Variants in SNX29 observed in about 807,000 individuals in gnomAD.
The protein encoded by SNX29 is sorting nexin 29.
A neutral mutation model predicts 102.1 loss-of-function variants in SNX29; 78 were observed. The observed-to-expected ratio is 0.76, with a 90% confidence interval of 0.64 to 0.92. SNX29 has a LOEUF of 0.92. SNX29 is among the 40% of genes least tolerant of loss of function. The pLI is 0.00. For missense variants in SNX29, 1,280 were observed against 1,061.7 expected, an observed-to-expected ratio of 1.21 and a Z score of -2.86; for synonymous variants, 580 against 414.5, an observed-to-expected ratio of 1.40 and a Z score of -4.85.
intron 13 of SNX29, among the ~76,000 whole-genome samples, chr16:12,138,439 C>T (rs1373316486): frequency 6.6e-6 from 1 of 151,950 alleles, no homozygotes; most frequent in African/African-American, 2.4e-5. Context: ...AACTCCTGAC[C>T]TCAAGTAATC....
chr16:12,401,431 C>T (rs983264913), intron 17 of SNX29, among the ~76,000 whole-genome samples: 2 of 145,440 alleles, frequency 1.4e-5, no homozygotes, highest in Non-Finnish European at 3.0e-5. Context: ...GTGGTGTGAC[C>T]TTGGCTCACT....
At chr16:11,979,569 TTTTG>T (rs1015376747) in intron 1 of SNX29, among the ~76,000 whole-genome samples, 4 of 152,078 alleles carry the variant, frequency 2.6e-5, no homozygotes, top group Admixed American at 6.6e-5. Flanking sequence ...ACTTATAATA[TTTTG>T]TTTATTTATT....
At chr16:12,356,812 A>G (rs1165087472) in intron 16 of SNX29, among the ~76,000 whole-genome samples, 1 of 152,232 alleles carries the variant, frequency 6.6e-6, no homozygotes, top group Non-Finnish European at 1.5e-5. Context: ...TGGGATGTCT[A>G]GCAGCGTCCC....
chr16:12,048,670 C>G (rs749240619), intron 7 of SNX29, 50 bp downstream of exon 7: 1 of 1,613,536 alleles, frequency 6.2e-7, no homozygotes, highest in South Asian at 1.1e-5. Flanking sequence ...CAGAATGTGG[C>G]GGATGGGGTG....
intron 13 of SNX29, among the ~76,000 whole-genome samples, chr16:12,142,445 TG>T (rs71389076): frequency 1.1e-4 from 17 of 150,862 alleles, no homozygotes; most frequent in Non-Finnish European, 2.5e-4. Context: ...TGTTGGGGGC[TG>T]GGGGTGAGTA....
chr16:12,410,294 G>A (rs530914606), intron 18 of SNX29, among the ~76,000 whole-genome samples: 221 of 151,010 alleles, frequency 1.5e-3, no homozygotes, highest in Admixed American at 2.6e-3. Context: ...GCGCCTGGCC[G>A]CGTTTTTTTC....
intron 18 of SNX29, among the ~76,000 whole-genome samples, chr16:12,447,054 C>G (rs1043720407): frequency 8.7e-5 from 13 of 150,014 alleles, no homozygotes; most frequent in African/African-American, 2.9e-4. Flanking sequence ...GTAGTCCCAG[C>G]TACTTGGGAG....
At chr16:12,144,214 T>G (rs1452830907) in intron 13 of SNX29, among the ~76,000 whole-genome samples, 1 of 152,202 alleles carries the variant, frequency 6.6e-6, no homozygotes, top group Admixed American at 6.5e-5. Context: ...AGGCTGATTT[T>G]TAGCTCAGAA....
intron 13 of SNX29, among the ~76,000 whole-genome samples, chr16:12,154,682 A>G (rs2055460209): frequency 6.6e-6 from 1 of 152,172 alleles, no homozygotes; most frequent in Non-Finnish European, 1.5e-5. Context: ...CTTATAAACA[A>G]CAAATAGATC....
chr16:12,420,783 A>C (rs1043938102), intron 18 of SNX29, among the ~76,000 whole-genome samples: 3 of 152,204 alleles, frequency 2.0e-5, no homozygotes, highest in African/African-American at 7.2e-5. Context: ...TGATGGACGC[A>C]TGAGTCACCA....
At chr16:12,562,133 T>C (rs952793357) in intron 20 of SNX29, among the ~76,000 whole-genome samples, 4 of 152,272 alleles carry the variant, frequency 2.6e-5, no homozygotes, top group Non-Finnish European at 5.9e-5. Flanking sequence ...GACCCCAAAA[T>C]GGCTCTGGCA....
At chr16:12,105,719 TCTC>T (rs1472507177) in intron 11 of SNX29, among the ~76,000 whole-genome samples, 1 of 152,164 alleles carries the variant, frequency 6.6e-6, no homozygotes, top group African/African-American at 2.4e-5. Context: ...CTAGCCCTTC[TCTC>T]CTCCTGCCCC....
chr16:12,078,470 A>G (rs2051696331), intron 10 of SNX29, among the ~76,000 whole-genome samples: 1 of 152,168 alleles, frequency 6.6e-6, no homozygotes. Flanking sequence ...TGCTAAAAAC[A>G]TGGCAGTAAA....
At chr16:12,476,769 C>G (rs2087673963) in intron 18 of SNX29, among the ~76,000 whole-genome samples, 1 of 151,974 alleles carries the variant, frequency 6.6e-6, no homozygotes, top group Admixed American at 6.6e-5. Flanking sequence ...TCTATGGTCG[C>G]CATACTAGAG....
intron 13 of SNX29, among the ~76,000 whole-genome samples, chr16:12,163,710 T>A (rs2055891625): frequency 6.6e-6 from 1 of 152,180 alleles, no homozygotes; most frequent in South Asian, 2.1e-4. Context: ...TTGTATTTGT[T>A]AAACCGAACC....
At chr16:12,416,281 C>G (rs1194230567) in intron 18 of SNX29, among the ~76,000 whole-genome samples, 1 of 152,104 alleles carries the variant, frequency 6.6e-6, no homozygotes, top group Admixed American at 6.5e-5. Flanking sequence ...GGGCTTGTCT[C>G]GGGGCACCGC....
intron 14 of SNX29, among the ~76,000 whole-genome samples, chr16:12,254,375 G>C (rs1042244664): frequency 4.6e-5 from 7 of 152,168 alleles, no homozygotes; most frequent in African/African-American, 1.7e-4. Context: ...AGGAGGCCAG[G>C]CGCAGTGGCT....
At chr16:12,188,582 A>C (rs2076569594) in intron 13 of SNX29, among the ~76,000 whole-genome samples, 1 of 152,046 alleles carries the variant, frequency 6.6e-6, no homozygotes, top group South Asian at 2.1e-4. Flanking sequence ...TTGAGTGACG[A>C]GTTGTTTGGG....
At chr16:12,064,182 G>A (rs771898613) in intron 9 of SNX29, among the ~76,000 whole-genome samples, 1 of 152,190 alleles carries the variant, frequency 6.6e-6, no homozygotes, top group African/African-American at 2.4e-5. Context: ...TTGCCGCTTA[G>A]CTGGGCCCCC....
Sources: gnomAD v4.1 joint callset for allele counts (sites outside exome capture counted in the v4.1 genomes callset) on GRCh38, gnomAD v4.1.1 for gene constraint, MANE v1.5 for transcripts, NCBI Gene and HGNC (gene_info 2026-07-23, HGNC 2026-07-21) for gene names.